Variants in VPS13A observed in about 807,000 individuals in gnomAD.
VPS13A encodes vacuolar protein sorting 13 homolog A.
A neutral mutation model predicts 390.9 loss-of-function variants in VPS13A; 264 were observed. The ratio of observed to expected loss-of-function variants is 0.68; its 90% CI spans 0.61 to 0.75. VPS13A has a LOEUF of 0.75. Ranked by LOEUF, VPS13A falls within the 30% of genes least tolerant of loss-of-function variation. The pLI is 0.00. For synonymous variants in VPS13A, 1,231 were observed against 1,227.1 expected (o/e 1.00, Z -0.07); for missense variants, 3,409 against 3,733.9 (o/e 0.91, Z 2.27).
At chr9:77,366,476 C>G (rs1832436887) in intron 60 of VPS13A, among the ~76,000 whole-genome samples, 1 of 151,438 alleles carries the variant, frequency 6.6e-6, no homozygotes, top group African/African-American at 2.4e-5. Flanking sequence ...TTAATATTTT[C>G]TTAGGTTTGC....
chr9:77,260,498 G>A (rs1291273323), intron 23 of VPS13A, among the ~76,000 whole-genome samples: 1 of 151,662 alleles, frequency 6.6e-6, no homozygotes, highest in Non-Finnish European at 1.5e-5. Flanking sequence ...TGGGACTACA[G>A]GCGCCCGCCA....
chr9:77,321,890 G>T, intron 44 of VPS13A, 144 bp downstream of exon 44: 2 of 982,974 alleles, frequency 2.0e-6, no homozygotes, highest in Non-Finnish European at 3.0e-6. Context: ...AATAGGTCAA[G>T]AACTGTTTTT....
intron 67 of VPS13A, among the ~76,000 whole-genome samples, chr9:77,375,902 G>T (rs1833040635): frequency 6.6e-6 from 1 of 152,088 alleles, no homozygotes; most frequent in East Asian, 1.9e-4. Flanking sequence ...TCTAGTGGGA[G>T]AGTAATAGAC....
intron 39 of VPS13A, among the ~76,000 whole-genome samples, chr9:77,317,268 G>C (rs902477427): frequency 6.6e-6 from 1 of 151,918 alleles, no homozygotes; most frequent in Non-Finnish European, 1.5e-5. Flanking sequence ...TTTTGACTTA[G>C]AAGTTTTAAA....
chr9:77,224,461 A>ATT (rs1780392439), intron 13 of VPS13A, among the ~76,000 whole-genome samples: 1 of 152,224 alleles, frequency 6.6e-6, no homozygotes, highest in Non-Finnish European at 1.5e-5. Context: ...AAATATGAAC[A>ATT]TTGACAGGTG....
chr9:77,376,019 A>G (rs1833047993), intron 67 of VPS13A, among the ~76,000 whole-genome samples: 2 of 152,182 alleles, frequency 1.3e-5, no homozygotes, highest in South Asian at 4.1e-4. Context: ...GGTAGGGAGG[A>G]GGGTTGCTAT....
chr9:77,243,722 T>A (rs1455115562), intron 19 of VPS13A, among the ~76,000 whole-genome samples: 2 of 152,152 alleles, frequency 1.3e-5, no homozygotes, highest in African/African-American at 2.4e-5. Flanking sequence ...AACATAGCAA[T>A]GATCAGAATG....
intron 23 of VPS13A, among the ~76,000 whole-genome samples, chr9:77,264,054 T>C (rs1201570077): frequency 6.6e-6 from 1 of 151,886 alleles, no homozygotes; most frequent in Non-Finnish European, 1.5e-5. Context: ...ATAGGGAATC[T>C]TTCCCCCATT....
chr9:77,184,534 G>A (rs574323639), intron 1 of VPS13A, among the ~76,000 whole-genome samples: 23 of 152,244 alleles, frequency 1.5e-4, no homozygotes, highest in South Asian at 4.1e-4. Flanking sequence ...CACGAGAATC[G>A]CTTGAACATG....
At chr9:77,268,229 C>T (rs912120875) in intron 23 of VPS13A, among the ~76,000 whole-genome samples, 4 of 152,184 alleles carry the variant, frequency 2.6e-5, no homozygotes, top group African/African-American at 9.6e-5. Flanking sequence ...TTGATGTTTG[C>T]CCAAATGGTT....
At chr9:77,212,639 C>T (rs1391314507) in intron 7 of VPS13A, among the ~76,000 whole-genome samples, 1 of 152,106 alleles carries the variant, frequency 6.6e-6, no homozygotes, top group Non-Finnish European at 1.5e-5. Flanking sequence ...CCCAATGATA[C>T]CTGCAAATCT....
At chr9:77,214,267 C>T in intron 9 of VPS13A, 62 bp from the exon 10 acceptor site, 1 of 1,442,272 alleles carries the variant, frequency 6.9e-7, no homozygotes, top group Non-Finnish European at 9.7e-7. Context: ...CAGGGGGAGA[C>T]TCCATCTCAA....
chr9:77,413,774 A>T (rs1475740108), intron 71 of VPS13A, among the ~76,000 whole-genome samples: 2 of 152,236 alleles, frequency 1.3e-5, no homozygotes, highest in Non-Finnish European at 2.9e-5. Flanking sequence ...GCTTCTGCAC[A>T]GCAAAAGAAG....
At chr9:77,236,533 A>G (rs990611541) in intron 17 of VPS13A, among the ~76,000 whole-genome samples, 1 of 152,214 alleles carries the variant, frequency 6.6e-6, no homozygotes, top group African/African-American at 2.4e-5. Flanking sequence ...TAGTGGGTAG[A>G]ATTGTATCAT....
intron 67 of VPS13A, among the ~76,000 whole-genome samples, chr9:77,379,239 AT>A (rs1324201977): frequency 0.012 from 1,419 of 123,006 alleles, 15 homozygotes; most frequent in African/African-American, 0.032. Context: ...TACCCAGCTA[AT>A]TTTTTTTTTT....
chr9:77,289,438 TATC>T (rs945696786), intron 31 of VPS13A, among the ~76,000 whole-genome samples: 10 of 152,160 alleles, frequency 6.6e-5, no homozygotes, highest in African/African-American at 1.4e-4. Context: ...TTTGATTAAT[TATC>T]ATTTATTTTA....
At chr9:77,235,058 G>T (rs1824064259) in intron 17 of VPS13A, among the ~76,000 whole-genome samples, 1 of 152,090 alleles carries the variant, frequency 6.6e-6, no homozygotes, top group Non-Finnish European at 1.5e-5. Flanking sequence ...AAATCATAGA[G>T]GAATTAAAAA....
At chr9:77,413,369 C>T (rs1009056295) in intron 71 of VPS13A, among the ~76,000 whole-genome samples, 2 of 152,204 alleles carry the variant, frequency 1.3e-5, no homozygotes, top group African/African-American at 4.8e-5. Context: ...ACCAAAACAG[C>T]ATGGTACTGG....
intron 10 of VPS13A, among the ~76,000 whole-genome samples, chr9:77,217,807 T>C (rs1822946934): frequency 6.7e-6 from 1 of 149,008 alleles, no homozygotes; most frequent in African/African-American, 2.5e-5. Context: ...GATAGAATGG[T>C]TTCTTTTCTT....
Sources: gnomAD v4.1 joint callset for allele counts (sites outside exome capture counted in the v4.1 genomes callset) on GRCh38, gnomAD v4.1.1 for gene constraint, MANE v1.5 for transcripts, NCBI Gene and HGNC (gene_info 2026-07-23, HGNC 2026-07-21) for gene names.